ZNF546: variants seen among roughly 807,000 people sequenced by gnomAD.
ZNF546 encodes the protein CTC-471F3.6.
Under a neutral mutation model 76.2 loss-of-function variants are expected in ZNF546, and 60 were observed. That is an observed-to-expected ratio of 0.79 (90% CI 0.64 to 0.98). ZNF546 has a LOEUF of 0.98. Among genes scored for constraint, ZNF546 ranks in the 50% least tolerant of loss-of-function variants. ZNF546 has a pLI of 0.00. For missense variants in ZNF546, 936 were observed against 1,035.6 expected (o/e 0.90, Z 1.32); for synonymous variants, 277 against 328.1 (o/e 0.84, Z 1.68).
At chr19:39,999,102 T>G (rs1450137374) in intron 3 of ZNF546, among the ~76,000 whole-genome samples, 1 of 152,244 alleles carries the variant, frequency 6.6e-6, no homozygotes, top group Non-Finnish European at 1.5e-5. Flanking sequence ...TGAATCTCAC[T>G]AATATTAGGA....
In ZNF546 at chr19:40,006,125, C is replaced by T; in HGVS notation, c.114C>T (p.Ser38=). The T allele has an allele frequency of 6.2e-7, 1 of 1,613,958 alleles. No homozygotes were observed. Among genetic ancestry groups the T allele is most frequent in the Non-Finnish European group, 8.5e-7 (1 of 1,179,974 alleles). ...MPRFLWILCF[S]MEETQGELTS... is the part of the protein sequence containing the mutation. Reference sequence around the variant, plus strand: ...GGTTTCTCTGGATTCTGTGCTTCTCCATGGAGGAAACTCAAGGAGAACTGA... The same window carrying T: ...GGTTTCTCTGGATTCTGTGCTTCTCTATGGAGGAAACTCAAGGAGAACTGA... The change falls in exon 4 of 7, where the codon TCC becomes TCT. Residue 38 remains serine (S), a synonymous_variant. Transcript: ENST00000347077.
intron 3 of ZNF546, among the ~76,000 whole-genome samples, chr19:40,002,202 T>TATTA: frequency 6.6e-6 from 1 of 152,236 alleles, no homozygotes; most frequent in Non-Finnish European, 1.5e-5. Context: ...AAGGCCTTAG[T>TATTA]GTGCCATCAT....
chr19:40,014,377 A>G lies in ZNF546; in HGVS notation c.1107A>G (p.Gln369=). 1.2e-6 allele frequency: 2 copies of G among 1,613,838 alleles called. No homozygotes were observed. Among genetic ancestry groups the G allele is most frequent in the Middle Eastern group, 1.7e-4 (1 of 6,060 alleles). The change falls in exon 7 of 7, where the codon CAA becomes CAG. Residue 369 remains glutamine (Q), a synonymous_variant. Transcript: ENST00000347077. ...TTTGTGGCAAGACCTTTAGGGTACAACGACATATTAGTCAACATCAGAAAA... is the reference window on the plus strand; with the variant it reads ...TTTGTGGCAAGACCTTTAGGGTACAGCGACATATTAGTCAACATCAGAAAA... ...CKVCGKTFRV[Q]RHISQHQKIH... is the part of the protein sequence containing the mutation.
At chr19:40,004,716 A>G (rs577319837) in intron 3 of ZNF546, among the ~76,000 whole-genome samples, 1 of 150,806 alleles carries the variant, frequency 6.6e-6, no homozygotes, top group Non-Finnish European at 1.5e-5. Context: ...TTCTTTATGT[A>G]TGTGTGTGTG....
In ZNF546 at chr19:40,013,777, C is replaced by T. The variant is rs1430625120; in HGVS notation, c.507C>T (p.Asp169=). 2 of 1,613,164 alleles carry T rather than the reference C, an allele frequency of 1.2e-6. No individual in the cohort carries two copies. Among genetic ancestry groups the T allele is most frequent in the South Asian group, 1.1e-5 (1 of 91,006 alleles). The change falls in exon 7 of 7, where the codon GAC becomes GAT. Residue 169 remains aspartate (D), a synonymous_variant. Coordinates refer to ENST00000347077, the MANE Select transcript of ZNF546 (RefSeq NM_178544.5). ...AAAGTAAAAACACCATCCATGAGGA[C>T]ACCATTTTCAGAAATGGTTTGCAGT... ...GEKSKNTIHE[D]TIFRNGLQCK... is the part of the protein sequence containing the mutation.
In ZNF546 at chr19:40,018,628, CTG is replaced by C. The variant is rs1330521197; in HGVS notation, c.*2850_*2851del. The C allele has an allele frequency of 6.6e-6, 1 of 152,216 alleles. No individual in the cohort carries two copies. The highest frequency in any genetic ancestry group is 6.5e-5 in the Admixed American group (1 of 15,284). The allele number at this position is 152,216 out of a possible 1,614,324, so 9.4% of individuals were successfully genotyped here. A position where few individuals can be genotyped will look rare whatever the true frequency, so the allele number is the denominator to read the frequency against. Reference sequence around the variant, plus strand: ...GCCTGTGTTTATGGCAGGAATAACACTGTGATTTCCACGACTAAGTCATAAAA... The same window carrying C: ...GCCTGTGTTTATGGCAGGAATAACACTGATTTCCACGACTAAGTCATAAAA... On this transcript the variant is annotated 3_prime_UTR_variant, in exon 7 of 7. Transcript: ENST00000347077.
chr19:40,001,945 G>C (rs573676101), intron 3 of ZNF546, among the ~76,000 whole-genome samples: 1 of 152,012 alleles, frequency 6.6e-6, no homozygotes, highest in African/African-American at 2.4e-5. Flanking sequence ...CTCAATCTTC[G>C]TGACAACCCT....
In ZNF546 at chr19:40,014,253, C is replaced by T; in HGVS notation, c.983C>T (p.Pro328Leu). 1 of 1,613,790 alleles carries T rather than the reference C, an allele frequency of 6.2e-7. No individual in the cohort carries two copies. Among genetic ancestry groups the T allele is most frequent in the Non-Finnish European group, 8.5e-7 (1 of 1,179,790 alleles). Residue 328 changes from proline to leucine, a missense_variant, in exon 7 of 7, where the codon CCT becomes CTT. Transcript: ENST00000347077. ...CAGACAATTCATGCTGGAGAGAGAC[C>T]TTATGAATGTAAAGAATGTGGGAAG... is the stretch of plus-strand genomic sequence containing the variant. ...VHQTIHAGERPYECKECGKAF... is the reference protein window; with the variant it reads ...VHQTIHAGERLYECKECGKAF...
intron 3 of ZNF546, among the ~76,000 whole-genome samples, chr19:40,000,903 G>A (rs142833503): frequency 3.6e-4 from 55 of 151,978 alleles, no homozygotes; most frequent in African/African-American, 1.2e-3. Context: ...ATTATAACAC[G>A]TAATTAAATA....
rs1279446558 is a variant in ZNF546, at chr19:40,014,401, A to T, written c.1131A>T (p.Lys377Asn). The change falls in exon 7 of 7, where the codon AAA becomes AAT. Residue 377 changes from lysine to asparagine, a missense_variant. Coordinates refer to ENST00000347077, the MANE Select transcript of ZNF546 (RefSeq NM_178544.5). ...RVQRHISQHQ[K>N]IHTGVKPYKC... The stretch of plus-strand genomic sequence containing the variant: ...AACGACATATTAGTCAACATCAGAA[A>T]ATTCATACTGGTGTCAAACCCTATA... 1 of 1,613,970 alleles carries T rather than the reference A, an allele frequency of 6.2e-7. No individual in the cohort carries two copies. Among genetic ancestry groups the T allele is most frequent in the Non-Finnish European group, 8.5e-7 (1 of 1,180,018 alleles).
chr19:40,014,463 C>T lies in ZNF546; in HGVS notation c.1193C>T (p.Ser398Leu). ...NECGKAFSHGSYLVQHQKIHT... is the reference protein window; with the variant it reads ...NECGKAFSHGLYLVQHQKIHT... Reference sequence around the variant, plus strand: ...TGTGGGAAGGCCTTTAGTCATGGCTCATACCTTGTTCAACATCAGAAAATT... The same window carrying T: ...TGTGGGAAGGCCTTTAGTCATGGCTTATACCTTGTTCAACATCAGAAAATT... The change falls in exon 7 of 7, where the codon TCA becomes TTA. Residue 398 changes from serine to leucine, a missense_variant. Transcript: ENST00000347077. The T allele has an allele frequency of 6.2e-7, 1 of 1,612,282 alleles. No individual in the cohort carries two copies. The highest frequency in any genetic ancestry group is 8.5e-7 in the Non-Finnish European group (1 of 1,179,382).
rs1971730276 is a variant in ZNF546 at position 40,014,695 on chromosome 19, G to A, written c.1425G>A (p.Gly475=). ...AACCCTATGAATGTAAGGAATGTGG[G>A]AAGGCCTTTATTTGTGGTTATCAAC... ...GEKPYECKEC[G]KAFICGYQLT... is the part of the protein sequence containing the mutation. The change falls in exon 7 of 7, where the codon GGG becomes GGA. Residue 475 remains glycine, a synonymous_variant. Transcript: ENST00000347077. 1 of 1,613,732 alleles carries A rather than the reference G, an allele frequency of 6.2e-7. No individual in the cohort carries two copies. The highest frequency in any genetic ancestry group is 1.3e-5 in the African/African-American group (1 of 74,818).
intron 3 of ZNF546, among the ~76,000 whole-genome samples, chr19:39,999,434 A>G (rs1416569269): frequency 6.6e-6 from 1 of 152,202 alleles, no homozygotes; most frequent in East Asian, 1.9e-4. Context: ...ATATAGATCT[A>G]TTGTATACTT....
At position 40,007,266 on chromosome 19, in the gene ZNF546, C is replaced by A; in HGVS notation, c.172-8C>A. The A allele has an allele frequency of 6.6e-7, 1 of 1,525,942 alleles. No homozygotes were observed. The highest frequency in any genetic ancestry group is 8.8e-7 in the Non-Finnish European group (1 of 1,135,328). The allele number at this position is 1,525,942 out of a possible 1,614,324, so 94.5% of individuals were successfully genotyped here. A position where few individuals can be genotyped will look rare whatever the true frequency, so the allele number is the denominator to read the frequency against. On this transcript the variant is annotated splice_polypyrimidine_tract_variant and splice_region_variant and intron_variant, in intron 4 of 6. Coordinates refer to ENST00000347077, the MANE Select transcript of ZNF546 (RefSeq NM_178544.5). ...ATTTTTTTTTAATACATAGGCTTGT[C>A]ATTTCAGGTATCTTTGGCATTTAGG...
Position 39,998,403 on chromosome 19 carries a change from CT to C in ZNF546, c.78del (p.Ile27Ter). 6.2e-7 allele frequency: 1 copy of C among 1,613,528 alleles called. No individual in the cohort carries two copies. The highest frequency in any genetic ancestry group is 2.2e-5 in the East Asian group (1 of 44,878). On this transcript the variant is annotated frameshift_variant, in exon 3 of 7. Transcript: ENST00000347077. LOFTEE classifies it high-confidence loss of function. ...IFQIIPLHSLSIMPRFLWILC... is the reference protein window; with the variant it reads ...IFQIIPLHSLXIMPRFLWILC... ...CAAATCATTCCTCTGCACTCACTTT[CT>C]ATAATGGTAGAGAAATGCATATCCT...
chr19:40,002,886 G>A (rs1212645455), intron 3 of ZNF546, among the ~76,000 whole-genome samples: 1 of 151,950 alleles, frequency 6.6e-6, no homozygotes, highest in Non-Finnish European at 1.5e-5. Flanking sequence ...TTTTAGTAGA[G>A]ACAGGGGTTC....
chr19:40,004,741 C>T (rs1971581803), intron 3 of ZNF546, among the ~76,000 whole-genome samples: 1 of 152,032 alleles, frequency 6.6e-6, no homozygotes, highest in Non-Finnish European at 1.5e-5. Context: ...TATGTTTTCA[C>T]AAATGTAATT....
At position 40,018,147 on chromosome 19, in the gene ZNF546, T is replaced by G. The variant is rs549977283; in HGVS notation, c.*2366T>G. The stretch of plus-strand genomic sequence containing the variant: ...AACCATGCCCGGCTAATTTTTTGTA[T>G]TTTTAGTAGAGACGGGGTTTCACCA... On this transcript the variant is annotated 3_prime_UTR_variant, in exon 7 of 7. Transcript: ENST00000347077. The G allele has an allele frequency of 2.0e-5, 3 of 152,226 alleles. No individual in the cohort carries two copies. The highest frequency in any genetic ancestry group is 3.9e-4 in the East Asian group (2 of 5,170). 9.4% of individuals were successfully genotyped at this position (152,226 alleles called of 1,614,324 possible). A position where few individuals can be genotyped will look rare whatever the true frequency, so the allele number is the denominator to read the frequency against.
intron 3 of ZNF546, among the ~76,000 whole-genome samples, chr19:40,001,811 G>A (rs1306807393): frequency 1.3e-5 from 2 of 152,120 alleles, no homozygotes; most frequent in Non-Finnish European, 2.9e-5. Flanking sequence ...TAGAAAAAAT[G>A]AAATAATATA....
Sources: allele counts gnomAD v4.1 joint callset (sites outside exome capture counted in the v4.1 genomes callset), GRCh38; gene constraint gnomAD v4.1.1; transcripts MANE v1.5; gene names NCBI Gene and HGNC (gene_info 2026-07-23, HGNC 2026-07-21).